EFEMP1: variants seen among roughly 807,000 people sequenced by gnomAD.
EFEMP1 encodes the protein EGF-containing fibulin-like extracellular matrix protein 1.
Under a neutral mutation model 65.7 loss-of-function variants are expected in EFEMP1, and 18 were observed. The observed-to-expected ratio is 0.27, with a 90% CI of 0.19 to 0.41. The LOEUF is 0.41. EFEMP1 is among the 10% of genes least tolerant of loss of function. The probability of loss-of-function intolerance (pLI) is 1.00; values close to 1 mark genes in which losing one functional copy is unlikely to be tolerated. For synonymous variants in EFEMP1, 237 were observed against 219.7 expected (o/e 1.08, Z -0.70); for missense variants, 469 against 624.8 (o/e 0.75, Z 2.66).
intron 5 of EFEMP1, among the ~76,000 whole-genome samples, chr2:55,911,401 T>C (rs1047574756): frequency 1.3e-5 from 2 of 152,148 alleles, no homozygotes; most frequent in African/African-American, 4.8e-5. Flanking sequence ...AAGATTAAGT[T>C]AAGGCATTGG....
At chr2:55,904,985 C>CTTTTTTTTTTTT (rs1168768201) in intron 5 of EFEMP1, among the ~76,000 whole-genome samples, 1 of 23,190 alleles carries the variant, frequency 4.3e-5, no homozygotes, top group Non-Finnish European at 7.2e-5. Flanking sequence ...TTTTCTTTTT[C>CTTTTTTTTTTTT]TTTTTTTTTT....
At chr2:55,879,676 A>C (rs946789194) in intron 6 of EFEMP1, among the ~76,000 whole-genome samples, 2 of 150,904 alleles carry the variant, frequency 1.3e-5, no homozygotes, top group Admixed American at 6.6e-5. Flanking sequence ...CAACAATAGA[A>C]AGGAGTGTAT....
chr2:55,884,739 G>A (rs1421531698), intron 5 of EFEMP1, among the ~76,000 whole-genome samples: 1 of 152,120 alleles, frequency 6.6e-6, no homozygotes, highest in East Asian at 1.9e-4. Flanking sequence ...TGTTGTTTTT[G>A]CATGATTATA....
intron 5 of EFEMP1, among the ~76,000 whole-genome samples, chr2:55,907,447 A>C (rs1670323639): frequency 6.6e-6 from 1 of 152,220 alleles, no homozygotes; most frequent in Non-Finnish European, 1.5e-5. Context: ...GATATCACAC[A>C]TTTACAAATT....
In EFEMP1 at chr2:55,866,221, AT is replaced by A. The variant is rs1668570176; in HGVS notation, c.*851del. 6.6e-6 allele frequency: 1 copy of A among 152,158 alleles called. No homozygotes were observed. Among genetic ancestry groups the A allele is most frequent in the South Asian group, 2.1e-4 (1 of 4,828 alleles). The allele number at this position is 152,158 out of a possible 1,614,324, so 9.4% of individuals were successfully genotyped here. ...GTTAGGATTTAAATTTTACTTAGAA[AT>A]TAAAACTTCTCCAGTGAAATACCTT... is the stretch of plus-strand genomic sequence containing the variant. On this transcript the variant is annotated 3_prime_UTR_variant, in exon 12 of 12. Coordinates refer to ENST00000355426, the MANE Select transcript of EFEMP1 (RefSeq NM_001039348.3).
At position 55,922,531 on chromosome 2, in the gene EFEMP1, A is replaced by T. The variant is rs1424602484; in HGVS notation, c.-7-84T>A. 2 of 1,271,970 alleles carry T rather than the reference A, an allele frequency of 1.6e-6. No homozygotes were observed. Among genetic ancestry groups the T allele is most frequent in the African/African-American group, 2.9e-5 (2 of 68,238 alleles). The allele number at this position is 1,271,970 out of a possible 1,614,324, so 78.8% of individuals were successfully genotyped here. The stretch of plus-strand genomic sequence containing the variant: ...ACTTTAGCAGTGAGCACAAGCGAGG[A>T]AAGGAGGGTGGGAGAGGCTGAGGCT... On this transcript the variant is annotated intron_variant, in intron 2 of 11. Coordinates refer to ENST00000355426, the MANE Select transcript of EFEMP1 (RefSeq NM_001039348.3). This position sits in a 1 kb window ranked among gnomAD's most constrained non-coding sequence, Gnocchi z 5.5.
In EFEMP1 at chr2:55,885,826, G is replaced by T. The variant is rs1402427023; in HGVS notation, c.518-4092C>A. Reference sequence around the variant, plus strand: ...TCTCTGTGGTGTCCATTAAGTCCCTGCTTAGGCCCTCATTCTCTATGTTTT... The same window carrying T: ...TCTCTGTGGTGTCCATTAAGTCCCTTCTTAGGCCCTCATTCTCTATGTTTT... On this transcript the variant is annotated intron_variant, in intron 5 of 11. Transcript: ENST00000355426. The surrounding 1 kb of genome is among the most constrained non-coding windows in gnomAD (Gnocchi z 4.3). Among the ~76,000 whole-genome samples, 1 of 152,108 alleles carries T rather than the reference G, an allele frequency of 6.6e-6. No homozygotes were observed. The highest frequency in any genetic ancestry group is 1.5e-5 in the Non-Finnish European group (1 of 68,026).
chr2:55,911,425 G>A (rs1416454090), intron 5 of EFEMP1, among the ~76,000 whole-genome samples: 1 of 152,006 alleles, frequency 6.6e-6, no homozygotes, highest in Non-Finnish European at 1.5e-5. Flanking sequence ...TCAGACTTGA[G>A]TAGGCGTCCA....
rs891376744 is a variant in EFEMP1 at position 55,867,532 on chromosome 2, T to C, written c.1321-298A>G. Among the ~76,000 whole-genome samples the C allele has an allele frequency of 2.0e-4, 31 of 152,114 alleles. No homozygotes were observed. The highest frequency in any genetic ancestry group is 7.5e-4 in the African/African-American group (31 of 41,420). ...ACTTTTATTGAGTAGTTGTGGACTT[T>C]ACAGAGACTAGAGCTTAAGTGAGAA... On this transcript the variant is annotated intron_variant, in intron 11 of 11. Coordinates refer to ENST00000355426, the MANE Select transcript of EFEMP1 (RefSeq NM_001039348.3). The surrounding 1 kb of genome is among the most constrained non-coding windows in gnomAD (Gnocchi z 4.3).
At chr2:55,884,235 T>C (rs1053611286) in intron 5 of EFEMP1, among the ~76,000 whole-genome samples, 4 of 152,264 alleles carry the variant, frequency 2.6e-5, no homozygotes, top group African/African-American at 9.6e-5. Context: ...TTTATTAGTT[T>C]ATTTAAATAA....
chr2:55,884,949 A>T (rs1003094788), intron 5 of EFEMP1, among the ~76,000 whole-genome samples: 1 of 152,188 alleles, frequency 6.6e-6, no homozygotes, highest in African/African-American at 2.4e-5. Context: ...TAAATGAGTT[A>T]TTACCATTTG....
Position 55,881,604 on chromosome 2 carries a change from G to A in EFEMP1, c.640+8C>T. 6.2e-7 allele frequency: 1 copy of A among 1,613,378 alleles called. No individual in the cohort carries two copies. ...ACAGGACCGTGCTCACTGCACTGTG[G>A]TACTTACCTACGCACTGCTCCCCTC... On this transcript the variant is annotated splice_region_variant and intron_variant, in intron 6 of 11. Transcript: ENST00000355426.
In EFEMP1 at chr2:55,922,360, C is replaced by CGTG; in HGVS notation, c.78_80dup (p.Thr27dup). 6.2e-7 allele frequency: 1 copy of CGTG among 1,613,564 alleles called. No homozygotes were observed. The highest frequency in any genetic ancestry group is 8.5e-7 in the Non-Finnish European group (1 of 1,179,562). ...TATTTCAAATTCCATCACCCCTTAC[C>CGTG]GTGTACGTGATGGTTTCTTCGGTGT... On this transcript the variant is annotated inframe_insertion and splice_region_variant, in exon 3 of 12. Transcript: ENST00000355426. This position sits in a 1 kb window ranked among gnomAD's most constrained non-coding sequence, Gnocchi z 5.5.
At chr2:55,878,003 ATGTAT>A in intron 6 of EFEMP1, 138 bp from the exon 7 acceptor site, 2 of 1,054,852 alleles carry the variant, frequency 1.9e-6, no homozygotes, top group Non-Finnish European at 2.7e-6. Context: ...ATTAGGGTAT[ATGTAT>A]TTTAAATATA....
intron 6 of EFEMP1, among the ~76,000 whole-genome samples, chr2:55,878,238 GAA>G (rs1257448837): frequency 3.3e-5 from 5 of 152,170 alleles, no homozygotes; most frequent in African/African-American, 1.2e-4. Context: ...AAACAAAGAA[GAA>G]AGAGTTGTGG....
At chr2:55,887,309 A>G (rs1669457812) in intron 5 of EFEMP1, among the ~76,000 whole-genome samples, 1 of 152,152 alleles carries the variant, frequency 6.6e-6, no homozygotes. Context: ...AAGTGAATTT[A>G]TAGGTGTTTT....
At chr2:55,895,250 G>A (rs1669775141) in intron 5 of EFEMP1, among the ~76,000 whole-genome samples, 1 of 152,214 alleles carries the variant, frequency 6.6e-6, no homozygotes, top group Admixed American at 6.5e-5. Flanking sequence ...AGATGGTCCT[G>A]TATGATTGGT....
At chr2:55,891,647 G>A (rs1039779259) in intron 5 of EFEMP1, among the ~76,000 whole-genome samples, 1 of 152,042 alleles carries the variant, frequency 6.6e-6, no homozygotes, top group Admixed American at 6.6e-5. Flanking sequence ...ATGAAGTGTA[G>A]CAAGAAAAGG....
Position 55,922,629 on chromosome 2 carries a change from C to T in EFEMP1, c.-7-182G>A. The T allele has an allele frequency of 1.6e-6, 1 of 641,796 alleles. No individual in the cohort carries two copies. The highest frequency in any genetic ancestry group is 3.2e-5 in the East Asian group (1 of 31,438). The allele number at this position is 641,796 out of a possible 1,614,324, so 39.8% of individuals were successfully genotyped here. A position where few individuals can be genotyped will look rare whatever the true frequency, so the allele number is the denominator to read the frequency against. On this transcript the variant is annotated intron_variant, in intron 2 of 11. Coordinates refer to ENST00000355426, the MANE Select transcript of EFEMP1 (RefSeq NM_001039348.3). This position sits in a 1 kb window ranked among gnomAD's most constrained non-coding sequence, Gnocchi z 5.5. ...CTGAACCTTCTCGGTAGCCAACGAA[C>T]GAGGCAGCAAAGACGTAAAAACTGC...
Sources: gnomAD v4.1 joint callset for allele counts (sites outside exome capture counted in the v4.1 genomes callset) on GRCh38, gnomAD v4.1.1 for gene constraint, Gnocchi (gnomAD v3.1) non-coding constraint, MANE v1.5 for transcripts, NCBI Gene and HGNC (gene_info 2026-07-23, HGNC 2026-07-21) for gene names.